SLC30A8: variants seen among roughly 807,000 people sequenced by gnomAD.
The protein encoded by SLC30A8 is proton-coupled zinc antiporter SLC30A8.
In SLC30A8, 27 loss-of-function variants were observed where a neutral mutation model predicts 36.9. That is an observed-to-expected ratio of 0.73 (90% CI 0.54 to 1.01). The LOEUF is 1.01. Ranked by LOEUF, SLC30A8 falls within the 50% of genes least tolerant of loss-of-function variation. The probability of loss-of-function intolerance (pLI) is 0.00; values close to 1 mark genes in which losing one functional copy is unlikely to be tolerated. For synonymous variants in SLC30A8, 164 were observed against 172.4 expected, an observed-to-expected ratio of 0.95 and a Z score of 0.38; for missense variants, 439 against 452.0, an observed-to-expected ratio of 0.97 and a Z score of 0.26.
chr8:117,041,929 A>G (rs1485973834), intron 2 of SLC30A8, among the ~76,000 whole-genome samples: 1 of 152,196 alleles, frequency 6.6e-6, no homozygotes, highest in Non-Finnish European at 1.5e-5. Context: ...ATGAAGGAAA[A>G]CAGATTTCCC....
At chr8:117,150,634 C>T (rs962523507) in intron 2 of SLC30A8, among the ~76,000 whole-genome samples, 2 of 152,060 alleles carry the variant, frequency 1.3e-5, no homozygotes, top group African/African-American at 4.8e-5. Context: ...GAGACGGGGT[C>T]TCGTTCTGTC....
intron 2 of SLC30A8, among the ~76,000 whole-genome samples, chr8:117,048,411 T>C (rs1817616121): frequency 6.6e-6 from 1 of 152,210 alleles, no homozygotes; most frequent in Non-Finnish European, 1.5e-5. Flanking sequence ...CATCTAGATA[T>C]GTTCTATTCT....
chr8:117,035,357 G>A (rs1259551841), intron 1 of SLC30A8, among the ~76,000 whole-genome samples: 1 of 152,216 alleles, frequency 6.6e-6, no homozygotes, highest in Non-Finnish European at 1.5e-5. Flanking sequence ...AGGGGCTGTA[G>A]GCCCCATGCA....
intron 1 of SLC30A8, among the ~76,000 whole-genome samples, chr8:116,995,186 C>G (rs941683104): frequency 2.0e-5 from 3 of 152,056 alleles, no homozygotes; most frequent in African/African-American, 7.3e-5. Flanking sequence ...CCTGAGATGG[C>G]TGTGATGCCA....
chr8:117,176,337 C>T lies in SLC30A8; in HGVS notation c.*3656C>T, dbSNP rs1468551789. On this transcript the variant is annotated 3_prime_UTR_variant, in exon 8 of 8. Coordinates refer to ENST00000456015, the MANE Select transcript of SLC30A8 (RefSeq NM_173851.3). ...GAGAGTCTTGCAAAGAGACAAGCCT[C>T]ATTTTCCACAATTAGCTCTAAAGTG... The T allele has an allele frequency of 6.6e-6, 1 of 152,516 alleles. No individual in the cohort carries two copies. Among genetic ancestry groups the T allele is most frequent in the East Asian group, 1.9e-4 (1 of 5,172 alleles). 9.4% of individuals were successfully genotyped at this position (152,516 alleles called of 1,614,324 possible). A position where few individuals can be genotyped will look rare whatever the true frequency, so the allele number is the denominator to read the frequency against.
intron 3 of SLC30A8, among the ~76,000 whole-genome samples, chr8:117,153,830 T>G (rs1328507230): frequency 1.3e-5 from 2 of 152,042 alleles, no homozygotes; most frequent in African/African-American, 2.4e-5. Context: ...TGCCTGAGCC[T>G]TGCCTGCCAT....
In SLC30A8 at chr8:116,967,516, CT is replaced by C. The variant is rs1488356302; in HGVS notation, c.-266+16398del. ...CTATACTGATTATGCTACATTTTAC[CT>C]CCATAGCTCTGAACCCTCAAGTCGA... On this transcript the variant is annotated intron_variant, in intron 1 of 10. Coordinates refer to the SLC30A8 transcript ENST00000427715. Among the ~76,000 whole-genome samples, 11 of 152,272 alleles carry C rather than the reference CT, an allele frequency of 7.2e-5. No homozygotes were observed. The East Asian group carries it at 2.1e-3, about 29-fold the overall frequency.
Position 117,161,748 on chromosome 8 carries a change from G to GT in SLC30A8, c.587dup (p.Leu196PhefsTer39). 8.1e-6 allele frequency: 13 copies of GT among 1,613,336 alleles called. No homozygotes were observed. Among genetic ancestry groups the GT allele is most frequent in the Non-Finnish European group, 1.1e-5 (13 of 1,179,514 alleles). On this transcript the variant is annotated frameshift_variant, in exon 5 of 8. Transcript: ENST00000456015. LOFTEE classifies it high-confidence loss of function. ...TGTTCTCTCTTTCAGACTAACTGTG[G>GT]TTTTGCACCAGAGATGCCTTGGCCA...
chr8:116,976,851 T>G (rs1421934765), intron 1 of SLC30A8, among the ~76,000 whole-genome samples: 6 of 149,436 alleles, frequency 4.0e-5, no homozygotes, highest in Admixed American at 2.0e-4. Flanking sequence ...AGAGTCTCTC[T>G]CTGTTGCCAG....
At chr8:116,976,384 C>A (rs2130629377) in intron 1 of SLC30A8, among the ~76,000 whole-genome samples, 1 of 152,110 alleles carries the variant, frequency 6.6e-6, no homozygotes, top group East Asian at 1.9e-4. Flanking sequence ...TAAGCCAGAC[C>A]CAAAACACCA....
At chr8:117,076,183 T>C (rs1299389851) in intron 2 of SLC30A8, among the ~76,000 whole-genome samples, 1 of 152,206 alleles carries the variant, frequency 6.6e-6, no homozygotes, top group Non-Finnish European at 1.5e-5. Flanking sequence ...TGCTGTTCAG[T>C]TTTATTATAT....
chr8:117,127,540 T>C (rs1276582192), intron 2 of SLC30A8, among the ~76,000 whole-genome samples: 3 of 152,068 alleles, frequency 2.0e-5, no homozygotes, highest in African/African-American at 7.2e-5. Context: ...TGTGACATTT[T>C]CCTGAAAGAC....
chr8:116,993,633 A>C (rs573118572), intron 1 of SLC30A8, among the ~76,000 whole-genome samples: 35 of 152,168 alleles, frequency 2.3e-4, no homozygotes, highest in African/African-American at 8.0e-4. Flanking sequence ...AATATGGAGA[A>C]TAGAAACAGG....
intron 2 of SLC30A8, among the ~76,000 whole-genome samples, chr8:117,051,758 A>G (rs1172834501): frequency 2.6e-5 from 4 of 152,032 alleles, no homozygotes; most frequent in African/African-American, 9.7e-5. Context: ...GCTTGCAGTG[A>G]GCCTAGATCG....
At chr8:117,099,229 G>A (rs1819605914) in intron 2 of SLC30A8, among the ~76,000 whole-genome samples, 1 of 152,064 alleles carries the variant, frequency 6.6e-6, no homozygotes, top group Non-Finnish European at 1.5e-5. Flanking sequence ...ATTTGCACCT[G>A]CTGTTCCTTA....
At chr8:117,160,220 T>C (rs1184364316) in intron 4 of SLC30A8, among the ~76,000 whole-genome samples, 1 of 152,260 alleles carries the variant, frequency 6.6e-6, no homozygotes, top group Non-Finnish European at 1.5e-5. Context: ...AGGTTATAAA[T>C]ACAGCCTTAA....
intron 1 of SLC30A8, among the ~76,000 whole-genome samples, chr8:117,014,765 T>C (rs1412020676): frequency 6.6e-6 from 1 of 152,150 alleles, no homozygotes; most frequent in Non-Finnish European, 1.5e-5. Flanking sequence ...ACCTACTGCC[T>C]GTTGTCCAAC....
intron 1 of SLC30A8, among the ~76,000 whole-genome samples, chr8:117,022,403 G>A (rs1048813292): frequency 2.0e-5 from 3 of 151,884 alleles, no homozygotes; most frequent in African/African-American, 7.3e-5. Flanking sequence ...GGATTCAAAT[G>A]GCAGAACAGG....
chr8:117,152,512 T>C lies in SLC30A8; in HGVS notation c.272-432T>C, dbSNP rs149783285. On this transcript the variant is annotated intron_variant, in intron 2 of 7. Transcript: ENST00000456015. ...GTAAAGATGCTGATTAAATTATAAG[T>C]CAAATAAAAACACATCTGTGGGCCA... 5.3e-4 allele frequency among the ~76,000 whole-genome samples: 80 copies of C among 152,252 alleles called. 1 individual carries two copies. Among genetic ancestry groups the C allele is most frequent in the Admixed American group, 3.6e-3 (55 of 15,288 alleles).
Sources: allele counts gnomAD v4.1 joint callset (sites outside exome capture counted in the v4.1 genomes callset), GRCh38; gene constraint gnomAD v4.1.1; transcripts MANE v1.5; gene names NCBI Gene and HGNC (gene_info 2026-07-23, HGNC 2026-07-21).